The following SGCZ variants were observed in gnomAD, a reference collection of about 807,000 sequenced individuals.
SGCZ encodes the protein zeta-sarcoglycan.
SGCZ carries 40 observed loss-of-function variants against 41.3 expected under a neutral mutation model. The ratio of observed to expected loss-of-function variants is 0.97; its 90% confidence interval spans 0.75 to 1.26. The LOEUF (loss-of-function observed/expected upper bound fraction) is 1.26. Ranked by LOEUF, SGCZ falls within the 50% of genes most tolerant of loss-of-function variation. The pLI, the probability that SGCZ is intolerant of heterozygous loss-of-function variation, is 0.00. For missense variants in SGCZ, 552 were observed against 369.8 expected, an observed-to-expected ratio of 1.49 and a Z score of -4.04; for synonymous variants, 206 against 137.5, an observed-to-expected ratio of 1.50 and a Z score of -3.49.
chr8:14,485,082 A>C (rs537019872), intron 2 of SGCZ, among the ~76,000 whole-genome samples: 2 of 152,344 alleles, frequency 1.3e-5, no homozygotes, highest in African/African-American at 2.4e-5. Context: ...CATGGAAGGC[A>C]CTGAGACAGA....
intron 1 of SGCZ, among the ~76,000 whole-genome samples, chr8:14,966,242 T>C (rs986505561): frequency 2.0e-5 from 3 of 151,598 alleles, no homozygotes; most frequent in Non-Finnish European, 4.4e-5. Flanking sequence ...ACAGGGGAAA[T>C]ATTGATGTCA....
chr8:14,670,169 A>G (rs1470289662), intron 1 of SGCZ, among the ~76,000 whole-genome samples: 1 of 152,154 alleles, frequency 6.6e-6, no homozygotes, highest in Non-Finnish European at 1.5e-5. Context: ...TCCAGCCTGC[A>G]TTCCAGGTTT....
intron 1 of SGCZ, among the ~76,000 whole-genome samples, chr8:14,738,039 C>G (rs2130265847): frequency 6.6e-6 from 1 of 152,152 alleles, no homozygotes; most frequent in South Asian, 2.1e-4. Flanking sequence ...GTAGAAAGCT[C>G]TCACATATAA....
rs539530617 is a variant in SGCZ, at chr8:14,437,001, A to G, written c.235-112797T>C. On this transcript the variant is annotated intron_variant, in intron 2 of 7. Coordinates refer to ENST00000382080, the MANE Select transcript of SGCZ (RefSeq NM_139167.4). Reference sequence around the variant, plus strand: ...TTTAAGCAAAAGCCAGAATTTTGAAATAGATTCATCCTTTACCAGGAGCGG... The same window carrying G: ...TTTAAGCAAAAGCCAGAATTTTGAAGTAGATTCATCCTTTACCAGGAGCGG... Among the ~76,000 whole-genome samples, 5 of 151,572 alleles carry G rather than the reference A, an allele frequency of 3.3e-5. No homozygotes were observed. In the South Asian group the frequency reaches 1.0e-3, roughly 31 times the overall value.
Position 14,108,157 on chromosome 8 carries a change from C to G in SGCZ, c.620+6G>C, listed in dbSNP as rs985776233. ...TTATGCCACAGGTATAAGAGGAAGC[C>G]CTTACCTGAGATCTTGGGATGGCTC... On this transcript the variant is annotated splice_donor_region_variant and intron_variant, in intron 6 of 7. Transcript: ENST00000382080. The G allele has an allele frequency of 6.2e-7, 1 of 1,613,666 alleles. No individual in the cohort carries two copies. Among genetic ancestry groups the G allele is most frequent in the Admixed American group, 1.7e-5 (1 of 59,994 alleles).
At chr8:14,544,573 T>G (rs1307302424) in intron 2 of SGCZ, among the ~76,000 whole-genome samples, 1 of 151,562 alleles carries the variant, frequency 6.6e-6, no homozygotes, top group African/African-American at 2.4e-5. Context: ...CTGGGGGAGG[T>G]CTATAAATGG....
At chr8:14,320,854 T>C (rs1215298706) in intron 3 of SGCZ, among the ~76,000 whole-genome samples, 1 of 152,072 alleles carries the variant, frequency 6.6e-6, no homozygotes, top group Non-Finnish European at 1.5e-5. Context: ...AAGAGGGCTG[T>C]TTAGTTCGTC....
At chr8:15,098,364 G>C (rs184884927) in intron 1 of SGCZ, among the ~76,000 whole-genome samples, 2 of 152,206 alleles carry the variant, frequency 1.3e-5, no homozygotes, top group African/African-American at 4.8e-5. Flanking sequence ...GAATCCCACA[G>C]AACTAAAAGA....
At chr8:14,732,884 T>G (rs1359255866) in intron 1 of SGCZ, among the ~76,000 whole-genome samples, 1 of 152,190 alleles carries the variant, frequency 6.6e-6, no homozygotes, top group Non-Finnish European at 1.5e-5. Context: ...GGCCTGGTAA[T>G]GATGTCTTAG....
chr8:14,326,791 C>A (rs1007635592), intron 2 of SGCZ, among the ~76,000 whole-genome samples: 3 of 152,138 alleles, frequency 2.0e-5, no homozygotes, highest in Admixed American at 1.3e-4. Context: ...TATCCTCTTA[C>A]ATTTTCAAAA....
intron 1 of SGCZ, among the ~76,000 whole-genome samples, chr8:14,771,572 T>A (rs899527029): frequency 2.6e-5 from 4 of 152,134 alleles, no homozygotes; most frequent in Admixed American, 6.6e-5. Flanking sequence ...AAACAATTGA[T>A]TTGCTATTGG....
chr8:15,161,449 T>A (rs1799509671), intron 1 of SGCZ, among the ~76,000 whole-genome samples: 1 of 152,192 alleles, frequency 6.6e-6, no homozygotes, highest in South Asian at 2.1e-4. Flanking sequence ...CCTCAATTTT[T>A]CACCATCAGG....
intron 1 of SGCZ, among the ~76,000 whole-genome samples, chr8:15,183,854 T>A (rs79278080): frequency 6.6e-6 from 1 of 152,176 alleles, no homozygotes; most frequent in South Asian, 2.1e-4. Context: ...TTCACAAAAA[T>A]TAACTTTACT....
intron 4 of SGCZ, among the ~76,000 whole-genome samples, chr8:14,221,521 T>C (rs1300379348): frequency 1.3e-5 from 2 of 152,238 alleles, no homozygotes; most frequent in Admixed American, 1.3e-4. Flanking sequence ...CTAGCAGCAG[T>C]AACTTACATA....
At position 14,095,068 on chromosome 8, in the gene SGCZ, T is replaced by C. The variant is rs189735800; in HGVS notation, c.745-4431A>G. Reference sequence around the variant, plus strand: ...ACATTGCAGAAATTTTCTCTCATTCTGCAGGTTGCCTATTCACTCTGATGA... The same window carrying C: ...ACATTGCAGAAATTTTCTCTCATTCCGCAGGTTGCCTATTCACTCTGATGA... On this transcript the variant is annotated intron_variant, in intron 7 of 7. Coordinates refer to ENST00000382080, the MANE Select transcript of SGCZ (RefSeq NM_139167.4). 4.5e-3 allele frequency among the ~76,000 whole-genome samples: 680 copies of C among 152,304 alleles called. 21 individuals carry two copies. The highest frequency in any genetic ancestry group is 0.04 in the Admixed American group (616 of 15,286).
chr8:14,466,653 C>A (rs1264242631), intron 2 of SGCZ, among the ~76,000 whole-genome samples: 1 of 151,500 alleles, frequency 6.6e-6, no homozygotes, highest in East Asian at 1.9e-4. Context: ...CATCTTTTTT[C>A]TTTCTATTCC....
At chr8:14,302,171 C>T (rs1211282530) in intron 3 of SGCZ, among the ~76,000 whole-genome samples, 2 of 152,024 alleles carry the variant, frequency 1.3e-5, no homozygotes, top group African/African-American at 4.8e-5. Flanking sequence ...TTCAAATACA[C>T]CTCTTAACAA....
intron 2 of SGCZ, among the ~76,000 whole-genome samples, chr8:14,361,595 G>A (rs1399254647): frequency 1.3e-5 from 2 of 152,046 alleles, no homozygotes; most frequent in African/African-American, 4.8e-5. Context: ...CTTTTTTAAG[G>A]TTTTTAGCTT....
chr8:14,089,153 A>G lies in SGCZ; in HGVS notation c.*1290T>C, dbSNP rs146369464. Among the ~76,000 whole-genome samples the G allele has an allele frequency of 7.0e-4, 107 of 152,126 alleles. 1 individual carries two copies. Among genetic ancestry groups the G allele is most frequent in the African/African-American group, 2.5e-3 (102 of 41,554 alleles). ...GTTTACTAAGAGGTCATATACAAAAATAAGCATTGGAAAATGAAAAGAACT... is the reference window on the plus strand; with the variant it reads ...GTTTACTAAGAGGTCATATACAAAAGTAAGCATTGGAAAATGAAAAGAACT... On this transcript the variant is annotated 3_prime_UTR_variant, in exon 8 of 8. Transcript: ENST00000382080.
Sources: gnomAD v4.1 joint callset for allele counts (sites outside exome capture counted in the v4.1 genomes callset) on GRCh38, gnomAD v4.1.1 for gene constraint, MANE v1.5 for transcripts, NCBI Gene and HGNC (gene_info 2026-07-23, HGNC 2026-07-21) for gene names.